BRD10: variants seen among roughly 807,000 people sequenced by gnomAD.
BRD10 encodes bromodomain containing 10.
At chr9:5,955,017 G>A in the BRD10 span, among the ~76,000 whole-genome samples, 2 of 152,082 alleles carry the variant, frequency 1.3e-5, no homozygotes, top group African/African-American at 4.8e-5. Context: ...GAACCTGGGA[G>A]GTGGAGGTTG....
the BRD10 span, among the ~76,000 whole-genome samples, chr9:5,903,806 G>T: frequency 6.6e-6 from 1 of 151,824 alleles, no homozygotes; most frequent in East Asian, 1.9e-4. Flanking sequence ...ACTAATATAG[G>T]AACTCCTACT....
At chr9:5,945,219 T>C in the BRD10 span, among the ~76,000 whole-genome samples, 1 of 152,120 alleles carries the variant, frequency 6.6e-6, no homozygotes, top group Admixed American at 6.6e-5. Flanking sequence ...GTTTGCTTTA[T>C]AATTCGGGTA....
chr9:5,985,363 A>G, the BRD10 span, among the ~76,000 whole-genome samples: 1 of 152,220 alleles, frequency 6.6e-6, no homozygotes, highest in Admixed American at 6.5e-5. Context: ...CCACAAAAAC[A>G]TTTAAAAAAT....
the BRD10 span, among the ~76,000 whole-genome samples, chr9:5,941,521 T>C: frequency 2.0e-5 from 3 of 152,176 alleles, no homozygotes; most frequent in Admixed American, 1.3e-4. Flanking sequence ...ATCTAAACGA[T>C]GATGAGGACT....
At chr9:5,906,755 A>G in the BRD10 span, 1 of 564,482 alleles carries the variant, frequency 1.8e-6, no homozygotes, top group Non-Finnish European at 3.1e-6. Flanking sequence ...GATGAGACTG[A>G]AGGCACACAG....
chr9:6,002,135 T>C, the BRD10 span, among the ~76,000 whole-genome samples: 30,327 of 152,216 alleles, frequency 0.2, 3,252 homozygotes, highest in Middle Eastern at 0.31. Context: ...CTTTACCTTT[T>C]ACTATGCCTG....
chr9:5,981,414 T>C, the BRD10 span, among the ~76,000 whole-genome samples: 4 of 152,310 alleles, frequency 2.6e-5, no homozygotes, highest in East Asian at 1.9e-4. Flanking sequence ...TAAACCCTCT[T>C]TGAAATATCC....
At chr9:5,906,636 T>A in the BRD10 span, among the ~76,000 whole-genome samples, 1 of 152,230 alleles carries the variant, frequency 6.6e-6, no homozygotes, top group Admixed American at 6.5e-5. Context: ...AACTATTGGG[T>A]CCCAGGTACT....
the BRD10 span, chr9:5,944,751 T>A: frequency 1.9e-6 from 1 of 523,548 alleles, no homozygotes; most frequent in South Asian, 3.2e-5. Flanking sequence ...AATGTTTCTA[T>A]CTTTCATGGT....
chr9:5,881,890 G>T, the BRD10 span, among the ~76,000 whole-genome samples: 1 of 152,184 alleles, frequency 6.6e-6, no homozygotes, highest in African/African-American at 2.4e-5. Context: ...CCATGTGGCA[G>T]GCTCTGCGCC....
the BRD10 span, among the ~76,000 whole-genome samples, chr9:6,006,673 T>C: frequency 6.6e-6 from 1 of 152,216 alleles, no homozygotes; most frequent in East Asian, 1.9e-4. Context: ...ATCAGTAGTA[T>C]GCAAAAGTAA....
chr9:5,957,415 G>A, the BRD10 span, among the ~76,000 whole-genome samples: 1 of 152,076 alleles, frequency 6.6e-6, no homozygotes. Flanking sequence ...GTGACATACT[G>A]CGCATTTGTT....
chr9:5,989,235 TAAAAAAAAAAAA>T, the BRD10 span, among the ~76,000 whole-genome samples: 301 of 46,188 alleles, frequency 6.5e-3, 2 homozygotes, highest in Admixed American at 9.5e-3. Flanking sequence ...TCTGTCTCAT[TAAAAAAAAAAAA>T]AAAAAAAAAA....
the BRD10 span, chr9:5,921,300 C>A: frequency 6.2e-7 from 1 of 1,613,906 alleles, no homozygotes; most frequent in Non-Finnish European, 8.5e-7. Flanking sequence ...TGAGACACAG[C>A]TGGTGATGAA....
chr9:5,907,443 T>C, the BRD10 span, among the ~76,000 whole-genome samples: 7 of 152,206 alleles, frequency 4.6e-5, no homozygotes, highest in East Asian at 1.9e-4. Flanking sequence ...CATGGTGCTA[T>C]TGAACACTTA....
chr9:5,893,695 T>C, the BRD10 span, among the ~76,000 whole-genome samples: 1 of 152,188 alleles, frequency 6.6e-6, no homozygotes, highest in Non-Finnish European at 1.5e-5. Context: ...AATATACTTT[T>C]ATGTCTCGTG....
At chr9:5,974,592 C>T in the BRD10 span, among the ~76,000 whole-genome samples, 15 of 152,078 alleles carry the variant, frequency 9.9e-5, no homozygotes, top group Admixed American at 9.8e-4. Flanking sequence ...AGCAGACTCC[C>T]TTATTGAGAA....
chr9:5,982,448 G>A, the BRD10 span, among the ~76,000 whole-genome samples: 2 of 152,130 alleles, frequency 1.3e-5, no homozygotes, highest in Non-Finnish European at 2.9e-5. Flanking sequence ...CCTTCAAGAG[G>A]TTATTGGGTC....
chr9:5,977,651 C>T, the BRD10 span, among the ~76,000 whole-genome samples: 2 of 151,940 alleles, frequency 1.3e-5, no homozygotes, highest in African/African-American at 2.4e-5. Context: ...ATCGAGACCA[C>T]GGTGAAATCC....
Sources: allele counts gnomAD v4.1 joint callset (sites outside exome capture counted in the v4.1 genomes callset), GRCh38; gene constraint gnomAD v4.1.1; transcripts MANE v1.5; gene names NCBI Gene and HGNC (gene_info 2026-07-23, HGNC 2026-07-21).